The following DNAH12 variants were observed in gnomAD, a reference collection of about 807,000 sequenced individuals.
DNAH12 encodes the protein axonemal beta dynein heavy chain 12.
DNAH12 carries 285 observed loss-of-function variants against 371.5 expected under a neutral mutation model. The observed-to-expected ratio is 0.77, with a 90% CI of 0.70 to 0.85. DNAH12 has a LOEUF of 0.85. Ranked by LOEUF, DNAH12 falls within the 40% of genes least tolerant of loss-of-function variation. DNAH12 has a pLI of 0.00. For synonymous variants in DNAH12, 1,200 were observed against 1,213.0 expected (o/e 0.99, Z 0.22); for missense variants, 3,611 against 3,689.4 (o/e 0.98, Z 0.55).
chr3:57,531,332 C>A (rs916633883), intron 2 of DNAH12, among the ~76,000 whole-genome samples: 1 of 152,162 alleles, frequency 6.6e-6, no homozygotes, highest in Non-Finnish European at 1.5e-5. Context: ...ATATTTCATT[C>A]CACTTTCTCT....
chr3:57,471,340 A>C, intron 15 of DNAH12, 132 bp downstream of exon 15: 1 of 578,638 alleles, frequency 1.7e-6, no homozygotes, highest in Non-Finnish European at 2.4e-6. Context: ...GTATATATGT[A>C]ATATATAGAA....
At chr3:57,352,042 G>T (rs1366733901) in intron 60 of DNAH12, 43 bp downstream of exon 60, 1 of 1,469,252 alleles carries the variant, frequency 6.8e-7, no homozygotes, top group Non-Finnish European at 9.0e-7. Context: ...TTTCCAGGGA[G>T]GTTTTAAAAA....
chr3:57,544,925 G>A (rs114483134), upstream of DNAH12, among the ~76,000 whole-genome samples: 731 of 151,812 alleles, frequency 4.8e-3, 5 homozygotes, highest in African/African-American at 0.017. Context: ...GAATACTGCC[G>A]GTGTGTTAAC....
intron 65 of DNAH12, among the ~76,000 whole-genome samples, chr3:57,316,135 T>C (rs1308885133): frequency 2.8e-5 from 4 of 145,272 alleles, no homozygotes; most frequent in Non-Finnish European, 4.5e-5. Flanking sequence ...CCCTTCCCCT[T>C]TTTTTTTTTT....
chr3:57,379,257 GTTCA>G lies in DNAH12; in HGVS notation c.8120_8123del (p.Met2707ThrfsTer35). 1 of 152,076 alleles carries G rather than the reference GTTCA, an allele frequency of 6.6e-6. No homozygotes were observed. The highest frequency in any genetic ancestry group is 2.1e-4 in the South Asian group (1 of 4,814). 9.4% of individuals were successfully genotyped at this position (152,076 alleles called of 1,614,324 possible). ...CAACCTTAGGGGGATCAAATTCAGG[GTTCA>G]TTAAGTATTCACTACGAATCTTCTG... On this transcript the variant is annotated frameshift_variant, in exon 52 of 74. Coordinates refer to ENST00000495027, the MANE Select transcript of DNAH12 (RefSeq NM_001366028.2). LOFTEE classifies it high-confidence loss of function.
chr3:57,531,551 T>G (rs1444329746), intron 2 of DNAH12, among the ~76,000 whole-genome samples: 2 of 151,850 alleles, frequency 1.3e-5, no homozygotes, highest in African/African-American at 2.4e-5. Context: ...AACTTGAGGT[T>G]AGGAGTTCGA....
chr3:57,415,206 T>TA (rs879508073), intron 38 of DNAH12, among the ~76,000 whole-genome samples: 258 of 150,468 alleles, frequency 1.7e-3, no homozygotes, highest in African/African-American at 4.2e-3. Context: ...TTCTCAGGCT[T>TA]AAAAAAAAAA....
chr3:57,391,553 T>C (rs990875380), intron 45 of DNAH12, among the ~76,000 whole-genome samples: 1 of 152,156 alleles, frequency 6.6e-6, no homozygotes, highest in Non-Finnish European at 1.5e-5. Flanking sequence ...CCTAATACAC[T>C]CCCTCTCTAT....
intron 42 of DNAH12, among the ~76,000 whole-genome samples, 166 bp from the exon 43 acceptor site, chr3:57,403,667 C>T (rs1665887815): frequency 6.6e-6 from 1 of 152,108 alleles, no homozygotes; most frequent in African/African-American, 2.4e-5. Context: ...TTTTCAAAAG[C>T]AGTTACAACT....
intron 62 of DNAH12, among the ~76,000 whole-genome samples, chr3:57,327,394 G>T (rs922822970): frequency 6.6e-5 from 10 of 152,052 alleles, no homozygotes; most frequent in Admixed American, 5.2e-4. Context: ...TAGAACTCAG[G>T]ATTCAGAAAC....
rs1292394772 is a variant in DNAH12, at chr3:57,544,231, C to T, written c.-68G>A. The T allele has an allele frequency of 6.6e-6, 1 of 152,020 alleles. No homozygotes were observed. Among genetic ancestry groups the T allele is most frequent in the African/African-American group, 2.4e-5 (1 of 41,284 alleles). The allele number at this position is 152,020 out of a possible 1,614,324, so 9.4% of individuals were successfully genotyped here. ...TCTCACTACTTCCCCGCTGCGCAGA[C>T]GCCAGAGAGAGAGAGAGACAGTCAG... On this transcript the variant is annotated 5_prime_UTR_variant, in exon 1 of 74. Coordinates refer to ENST00000495027, the MANE Select transcript of DNAH12 (RefSeq NM_001366028.2).
intron 13 of DNAH12, 109 bp downstream of exon 13, chr3:57,483,267 C>T: frequency 1.5e-6 from 2 of 1,345,374 alleles, no homozygotes; most frequent in East Asian, 5.0e-5. Context: ...GGCAATATAA[C>T]CGCTCAATTT....
At chr3:57,534,990 C>T (rs73082410) in intron 2 of DNAH12, among the ~76,000 whole-genome samples, 19,731 of 152,138 alleles carry the variant, frequency 0.13, 1,406 homozygotes, top group South Asian at 0.21. Flanking sequence ...TAGGCATAGG[C>T]TTAAGATCTT....
chr3:57,427,503 A>G (rs1481015802), intron 34 of DNAH12, among the ~76,000 whole-genome samples: 1 of 152,116 alleles, frequency 6.6e-6, no homozygotes, highest in Non-Finnish European at 1.5e-5. Flanking sequence ...CCTGGCCAAC[A>G]TGGAGAAACC....
In DNAH12 at chr3:57,418,174, T is replaced by C. The variant is rs538634364; in HGVS notation, c.5714+1193A>G. On this transcript the variant is annotated intron_variant, in intron 37 of 73. Transcript: ENST00000495027. ...GACTTGTCTGAAATAAATAAACAAA[T>C]AAATAAATATATATATGGTTTACTT... Among the ~76,000 whole-genome samples, 12 of 151,548 alleles carry C rather than the reference T, an allele frequency of 7.9e-5. 1 individual carries two copies. Among genetic ancestry groups the C allele is most frequent in the Middle Eastern group, 3.4e-3 (1 of 292 alleles).
chr3:57,346,415 C>A (rs1438350629), intron 60 of DNAH12, among the ~76,000 whole-genome samples: 2 of 150,676 alleles, frequency 1.3e-5, no homozygotes, highest in African/African-American at 2.4e-5. Flanking sequence ...AACTCAAGGG[C>A]AATAACAAAA....
chr3:57,317,949 C>A (rs762148855), intron 65 of DNAH12, among the ~76,000 whole-genome samples: 12 of 152,072 alleles, frequency 7.9e-5, no homozygotes, highest in Non-Finnish European at 1.3e-4. Flanking sequence ...TATCTGTTGG[C>A]CATTTGTATG....
At chr3:57,388,188 C>A (rs972864621) in intron 45 of DNAH12, among the ~76,000 whole-genome samples, 1 of 152,150 alleles carries the variant, frequency 6.6e-6, no homozygotes, top group African/African-American at 2.4e-5. Context: ...GAACCCTCTT[C>A]CCTCAGACCT....
intron 8 of DNAH12, among the ~76,000 whole-genome samples, chr3:57,506,532 C>T (rs2067764674): frequency 1.3e-5 from 2 of 152,174 alleles, no homozygotes. Context: ...ACCTCCGCCT[C>T]TCGGTCTCAA....
Sources: allele counts gnomAD v4.1 joint callset (sites outside exome capture counted in the v4.1 genomes callset), GRCh38; gene constraint gnomAD v4.1.1; transcripts MANE v1.5; gene names NCBI Gene and HGNC (gene_info 2026-07-23, HGNC 2026-07-21).